The following COL11A1 variants were observed in gnomAD, a reference collection of about 807,000 sequenced individuals.
COL11A1 encodes collagen type XI alpha 1 chain.
Under a neutral mutation model 265.2 loss-of-function variants are expected in COL11A1, and 74 were observed. That is an observed-to-expected ratio of 0.28 (90% CI 0.23 to 0.34). COL11A1 has a LOEUF of 0.34. COL11A1 is among the 10% of genes least tolerant of loss of function. COL11A1 has a pLI of 1.00. For missense variants in COL11A1, 2,165 were observed against 2,263.6 expected (o/e 0.96, Z 0.88); for synonymous variants, 816 against 727.6 (o/e 1.12, Z -1.96).
intron 1 of COL11A1, among the ~76,000 whole-genome samples, chr1:103,092,475 A>C (rs1485038922): frequency 1.3e-5 from 2 of 152,176 alleles, no homozygotes; most frequent in Non-Finnish European, 2.9e-5. Context: ...ACAAACACAG[A>C]TCATACATGG....
chr1:102,980,382 A>T (rs1242842450), intron 31 of COL11A1, among the ~76,000 whole-genome samples: 2 of 152,078 alleles, frequency 1.3e-5, no homozygotes, highest in Admixed American at 6.6e-5. Flanking sequence ...TTATCTTCTC[A>T]TTTAGTTGAT....
chr1:102,950,090 G>C (rs1014643476), intron 41 of COL11A1, among the ~76,000 whole-genome samples: 3 of 152,096 alleles, frequency 2.0e-5, no homozygotes, highest in Non-Finnish European at 4.4e-5. Flanking sequence ...GAGGCCAGGA[G>C]TTCAAGACCT....
chr1:103,068,682 A>T (rs1246334318), intron 4 of COL11A1, among the ~76,000 whole-genome samples: 1 of 151,530 alleles, frequency 6.6e-6, no homozygotes, highest in Non-Finnish European at 1.5e-5. Flanking sequence ...TTCAGATTAT[A>T]TAACTTTTTA....
intron 4 of COL11A1, among the ~76,000 whole-genome samples, chr1:103,037,943 C>T (rs1053303011): frequency 6.6e-6 from 1 of 152,112 alleles, no homozygotes; most frequent in African/African-American, 2.4e-5. Flanking sequence ...TCCATAAAAT[C>T]ATCTAGATTC....
In COL11A1 at chr1:102,935,135, T is replaced by C. The variant is rs372389950; in HGVS notation, c.3439-22A>G. 13 of 1,609,084 alleles carry C rather than the reference T, an allele frequency of 8.1e-6. No individual in the cohort carries two copies. The African/African-American group carries it at 1.5e-4, about 18-fold the overall frequency. Reference sequence around the variant, plus strand: ...GGCCCTGCAGTGAGATAAAAATAAGTAATTTTTAAAGTGAAGCCAGAAGAG... The same window carrying C: ...GGCCCTGCAGTGAGATAAAAATAAGCAATTTTTAAAGTGAAGCCAGAAGAG... On this transcript the variant is annotated intron_variant, in intron 44 of 66. Coordinates refer to ENST00000370096, the MANE Select transcript of COL11A1 (RefSeq NM_001854.4).
chr1:103,064,393 A>C (rs913054630), intron 4 of COL11A1, among the ~76,000 whole-genome samples: 1 of 152,116 alleles, frequency 6.6e-6, no homozygotes, highest in Non-Finnish European at 1.5e-5. Flanking sequence ...ACCAGTCATG[A>C]AAATACATAG....
intron 4 of COL11A1, among the ~76,000 whole-genome samples, chr1:103,046,815 T>C (rs1023416011): frequency 6.6e-6 from 1 of 151,554 alleles, no homozygotes. Flanking sequence ...GTTTCAGCTT[T>C]CTACATATGG....
chr1:102,934,595 A>C (rs770465654), intron 45 of COL11A1, 39 bp from the exon 46 acceptor site: 9 of 1,473,362 alleles, frequency 6.1e-6, no homozygotes, highest in Non-Finnish European at 8.6e-6. Flanking sequence ...AACTGGAAAA[A>C]ATCATTACGA....
At chr1:103,030,821 A>G (rs1020560930) in intron 5 of COL11A1, 28 of 368,080 alleles carry the variant, frequency 7.6e-5, no homozygotes, top group African/African-American at 5.5e-4. Context: ...TGGTCGAAAT[A>G]TCGCTATTAC....
At chr1:102,897,938 C>G (rs576794944) in intron 57 of COL11A1, among the ~76,000 whole-genome samples, 187 bp downstream of exon 57, 1 of 152,136 alleles carries the variant, frequency 6.6e-6, no homozygotes, top group Non-Finnish European at 1.5e-5. Flanking sequence ...ATCTTCTGAT[C>G]AAGTGGTTTA....
intron 54 of COL11A1, among the ~76,000 whole-genome samples, chr1:102,910,180 C>T (rs1570699285): frequency 1.3e-5 from 2 of 151,822 alleles, no homozygotes; most frequent in Admixed American, 1.3e-4. Flanking sequence ...TGCATTAATA[C>T]TCTTTAATAG....
chr1:103,027,394 CTAATATATATATATAT>C (rs1470992430), intron 5 of COL11A1, among the ~76,000 whole-genome samples: 5 of 94,488 alleles, frequency 5.3e-5, no homozygotes, highest in Admixed American at 1.4e-4. Flanking sequence ...AGTTAAAACT[CTAATATATATATATAT>C]ATATATATAT....
chr1:103,031,092 C>A (rs746348384), intron 5 of COL11A1, 24 bp downstream of exon 5: 3 of 1,612,418 alleles, frequency 1.9e-6, no homozygotes, highest in Non-Finnish European at 1.7e-6. Flanking sequence ...ATACGAAGAC[C>A]TTCTCTGGTC....
intron 63 of COL11A1, 67 bp downstream of exon 63, chr1:102,886,740 A>C: frequency 6.3e-7 from 1 of 1,591,946 alleles, no homozygotes; most frequent in South Asian, 1.1e-5. Flanking sequence ...AGAATGAATG[A>C]GCTGCCAATG....
chr1:103,087,035 AT>A (rs1347648936), intron 1 of COL11A1, among the ~76,000 whole-genome samples: 1 of 152,206 alleles, frequency 6.6e-6, no homozygotes, highest in Non-Finnish European at 1.5e-5. Context: ...TGGGAAAGCT[AT>A]TCTTTATATT....
At chr1:103,064,703 A>G (rs867642266) in intron 4 of COL11A1, among the ~76,000 whole-genome samples, 1 of 140,994 alleles carries the variant, frequency 7.1e-6, no homozygotes, top group African/African-American at 3.1e-5. Flanking sequence ...AAAAAAAGAA[A>G]AAAAAAAAAA....
rs545476839 is a variant in COL11A1, at chr1:102,943,795, C to T, written c.3276+3054G>A. On this transcript the variant is annotated intron_variant, in intron 42 of 66. Transcript: ENST00000370096. Reference sequence around the variant, plus strand: ...AATTCAGTTATAGTTAGTGCATTGACTTCACTGTGTTTTAGATCTAGCTCT... The same window carrying T: ...AATTCAGTTATAGTTAGTGCATTGATTTCACTGTGTTTTAGATCTAGCTCT... 2.0e-5 allele frequency among the ~76,000 whole-genome samples: 3 copies of T among 151,298 alleles called. No homozygotes were observed. The South Asian group carries it at 6.2e-4, about 31-fold the overall frequency.
chr1:102,888,689 G>A lies in COL11A1; in HGVS notation c.4554+34C>T, dbSNP rs545281542. 5.6e-6 allele frequency: 9 copies of A among 1,613,662 alleles called. No individual in the cohort carries two copies. In the Admixed American group the frequency reaches 8.3e-5, roughly 15 times the overall value. On this transcript the variant is annotated intron_variant, in intron 61 of 66. Transcript: ENST00000370096. ...AAGAGGCAATTAAATAGGTTTCAAT[G>A]CAAAATTAAATTGTCAAAGGGAAAA...
intron 4 of COL11A1, among the ~76,000 whole-genome samples, chr1:103,068,187 T>A (rs1482425042): frequency 6.6e-6 from 1 of 151,680 alleles, no homozygotes; most frequent in Non-Finnish European, 1.5e-5. Flanking sequence ...ACTAAAACTT[T>A]TTAAAGATAT....
Sources: allele counts gnomAD v4.1 joint callset (sites outside exome capture counted in the v4.1 genomes callset), GRCh38; gene constraint gnomAD v4.1.1; transcripts MANE v1.5; gene names NCBI Gene and HGNC (gene_info 2026-07-23, HGNC 2026-07-21).